SLC14A2: variants seen among roughly 807,000 people sequenced by gnomAD.
SLC14A2 encodes the protein urea transporter 2.
A neutral mutation model predicts 104.6 loss-of-function variants in SLC14A2; 91 were observed. The observed-to-expected ratio is 0.87, with a 90% CI of 0.73 to 1.04. The LOEUF is 1.04. SLC14A2 is among the 50% of genes least tolerant of loss of function. The probability of loss-of-function intolerance (pLI) is 0.00; values close to 1 mark genes in which losing one functional copy is unlikely to be tolerated. For missense variants in SLC14A2, 1,189 were observed against 1,156.0 expected (o/e 1.03, Z -0.41); for synonymous variants, 476 against 466.4 (o/e 1.02, Z -0.27).
At chr18:45,265,462 G>T (rs1343618428) in intron 1 of SLC14A2, among the ~76,000 whole-genome samples, 1 of 152,112 alleles carries the variant, frequency 6.6e-6, no homozygotes, top group South Asian at 2.1e-4. Context: ...TTTGAAATAT[G>T]ATTTTATCTG....
intron 18 of SLC14A2, among the ~76,000 whole-genome samples, chr18:45,676,703 G>A (rs1240106899): frequency 6.6e-6 from 1 of 152,104 alleles, no homozygotes; most frequent in Non-Finnish European, 1.5e-5. Context: ...CCCATCCAAA[G>A]TGTCCATGGA....
At chr18:45,396,729 G>A (rs541785647) in intron 1 of SLC14A2, among the ~76,000 whole-genome samples, 12 of 148,600 alleles carry the variant, frequency 8.1e-5, no homozygotes, top group South Asian at 2.1e-4. Flanking sequence ...AGGTAACCTC[G>A]TGTCATGGGG....
intron 1 of SLC14A2, among the ~76,000 whole-genome samples, chr18:45,221,038 A>G (rs2084056924): frequency 6.6e-6 from 1 of 152,154 alleles, no homozygotes; most frequent in Non-Finnish European, 1.5e-5. Context: ...CAATTGAATC[A>G]CCACTTTAAG....
At chr18:45,304,738 T>C (rs562677144) in intron 1 of SLC14A2, among the ~76,000 whole-genome samples, 1 of 152,272 alleles carries the variant, frequency 6.6e-6, no homozygotes, top group South Asian at 2.1e-4. Context: ...TACACAGTCC[T>C]ACCCCAGGGA....
the SLC14A2 span, chr18:45,168,770 A>G: frequency 6.6e-6 from 1 of 152,040 alleles, no homozygotes; most frequent in Non-Finnish European, 1.5e-5. Context: ...TTTTTTATGA[A>G]GCACTCAGGG....
In SLC14A2 at chr18:45,221,632, C is replaced by T. The variant is rs896131; in HGVS notation, c.-125+8441C>T. On this transcript the variant is annotated intron_variant, in intron 1 of 20. Coordinates refer to the SLC14A2 transcript ENST00000586448. ...AGAAAAAGTGTGACCCATACAGATA[C>T]TCAATGTGTCATTTGGGAGTCAAAG... 8.2e-3 allele frequency among the ~76,000 whole-genome samples: 1,253 copies of T among 152,258 alleles called. 20 individuals carry two copies. The highest frequency in any genetic ancestry group is 0.012 in the Non-Finnish European group (836 of 68,018).
chr18:45,371,999 AAAT>A (rs1191371207), intron 1 of SLC14A2, among the ~76,000 whole-genome samples: 2 of 152,212 alleles, frequency 1.3e-5, no homozygotes, highest in African/African-American at 4.8e-5. Flanking sequence ...TTCTAAAATT[AAAT>A]GTTATGATAA....
intron 2 of SLC14A2, among the ~76,000 whole-genome samples, chr18:45,566,202 T>A (rs1424713466): frequency 6.6e-6 from 1 of 152,148 alleles, no homozygotes; most frequent in Non-Finnish European, 1.5e-5. Flanking sequence ...CTCTATAATG[T>A]CAGTGCTCTG....
rs770149229 is a variant in SLC14A2 at position 45,639,858 on chromosome 18, A to C, written c.956A>C (p.His319Pro). 5 of 1,613,816 alleles carry C rather than the reference A, an allele frequency of 3.1e-6. No homozygotes were observed. The highest frequency in any genetic ancestry group is 4.2e-6 in the Non-Finnish European group (5 of 1,179,994). The change falls in exon 7 of 20, where the codon CAT (histidine) becomes CCT (proline). Residue 319 changes from histidine to proline, a missense_variant. Coordinates refer to ENST00000255226, the MANE Select transcript of SLC14A2 (RefSeq NM_007163.4). Reference protein sequence around the residue: ...LFISSPLICLHAAIGSIVGLL... With the variant: ...LFISSPLICLPAAIGSIVGLL... ...ATCTCCTCGCCACTCATCTGCTTGC[A>C]TGCAGCCATTGGCTCAATCGTGGGG...
At chr18:45,674,465 G>A (rs2046193828) in intron 18 of SLC14A2, among the ~76,000 whole-genome samples, 1 of 152,256 alleles carries the variant, frequency 6.6e-6, no homozygotes, top group African/African-American at 2.4e-5. Context: ...AAGATAATTT[G>A]TAGATATATT....
At chr18:45,305,491 A>G (rs2085010387) in intron 1 of SLC14A2, among the ~76,000 whole-genome samples, 1 of 152,078 alleles carries the variant, frequency 6.6e-6, no homozygotes, top group Non-Finnish European at 1.5e-5. Flanking sequence ...TTTTATTATT[A>G]ATATTAGGCT....
intron 14 of SLC14A2, 150 bp downstream of exon 14, chr18:45,668,172 T>A (rs1480346765): frequency 8.8e-7 from 1 of 1,135,740 alleles, no homozygotes; most frequent in African/African-American, 1.6e-5. Flanking sequence ...CATAGCAACA[T>A]ATTTCTAGAG....
At chr18:45,259,507 C>T (rs1478362687) in intron 1 of SLC14A2, among the ~76,000 whole-genome samples, 1 of 151,976 alleles carries the variant, frequency 6.6e-6, no homozygotes, top group Non-Finnish European at 1.5e-5. Flanking sequence ...AAGTTGGCTG[C>T]CTTATGTTTG....
intron 1 of SLC14A2, among the ~76,000 whole-genome samples, chr18:45,298,264 A>G (rs2084935880): frequency 6.6e-6 from 1 of 152,230 alleles, no homozygotes; most frequent in Non-Finnish European, 1.5e-5. Flanking sequence ...GTGGAGCAAC[A>G]TGGGAAAAGC....
intron 1 of SLC14A2, among the ~76,000 whole-genome samples, chr18:45,358,729 A>G (rs2085580162): frequency 6.6e-6 from 1 of 152,134 alleles, no homozygotes. Flanking sequence ...GTCATACACT[A>G]CTGCACCCAG....
chr18:45,661,316 T>C (rs1309790211), intron 10 of SLC14A2, among the ~76,000 whole-genome samples: 1 of 152,250 alleles, frequency 6.6e-6, no homozygotes, highest in Non-Finnish European at 1.5e-5. Context: ...CCTTGTTTTG[T>C]TAAACTGGAG....
At chr18:45,632,914 T>C (rs1293393535) in intron 5 of SLC14A2, among the ~76,000 whole-genome samples, 2 of 152,202 alleles carry the variant, frequency 1.3e-5, no homozygotes, top group Non-Finnish European at 2.9e-5. Context: ...CCTGACCTCG[T>C]GATCCACCTG....
chr18:45,421,469 A>G (rs976153431), intron 1 of SLC14A2, among the ~76,000 whole-genome samples: 7 of 152,218 alleles, frequency 4.6e-5, no homozygotes, highest in African/African-American at 1.7e-4. Flanking sequence ...AGTGGCATGT[A>G]CCAGCAGAGA....
intron 18 of SLC14A2, among the ~76,000 whole-genome samples, chr18:45,675,042 C>G (rs545440962): frequency 1.3e-5 from 2 of 152,304 alleles, no homozygotes; most frequent in Non-Finnish European, 2.9e-5. Context: ...CTCCCCACCC[C>G]CTTTCCCAGC....
Sources: allele counts gnomAD v4.1 joint callset (sites outside exome capture counted in the v4.1 genomes callset), GRCh38; gene constraint gnomAD v4.1.1; transcripts MANE v1.5; gene names NCBI Gene and HGNC (gene_info 2026-07-23, HGNC 2026-07-21).